The following MSRA variants were observed in gnomAD, a reference collection of about 807,000 sequenced individuals.
MSRA encodes the protein methionine sulfoxide reductase A, also known as mitochondrial peptide methionine sulfoxide reductase.
In MSRA, 54 loss-of-function variants were observed where a neutral mutation model predicts 31.3. That is an observed-to-expected ratio of 1.73 (90% CI 1.39 to 2.17). The LOEUF (loss-of-function observed/expected upper bound fraction) is 2.17. MSRA is among the 30% of genes most tolerant of loss of function. The pLI is 0.00. For synonymous variants in MSRA, 169 were observed against 116.5 expected (o/e 1.45, Z -2.90); for missense variants, 507 against 300.9 (o/e 1.69, Z -5.07).
At chr8:10,259,455 G>GT (rs975723670) in intron 3 of MSRA, among the ~76,000 whole-genome samples, 5 of 152,146 alleles carry the variant, frequency 3.3e-5, no homozygotes, top group African/African-American at 1.2e-4. Context: ...ATACTTCCTG[G>GT]TGAAGCAGGT....
intron 5 of MSRA, among the ~76,000 whole-genome samples, chr8:10,382,534 C>T (rs978401002): frequency 6.6e-6 from 1 of 152,106 alleles, no homozygotes; most frequent in South Asian, 2.1e-4. Flanking sequence ...CATTCTACAC[C>T]TGCCTCTCAT....
intron 5 of MSRA, among the ~76,000 whole-genome samples, chr8:10,331,662 T>C (rs139330214): frequency 6.6e-6 from 1 of 152,338 alleles, no homozygotes; most frequent in East Asian, 1.9e-4. Flanking sequence ...ACAGTCATCC[T>C]TCGGTATCCA....
intron 4 of MSRA, among the ~76,000 whole-genome samples, chr8:10,302,363 G>A (rs1477265548): frequency 6.6e-6 from 1 of 152,218 alleles, no homozygotes; most frequent in Non-Finnish European, 1.5e-5. Context: ...CTGATATTAT[G>A]CAGCTTATGA....
intron 2 of MSRA, among the ~76,000 whole-genome samples, chr8:10,227,214 C>T (rs1490137388): frequency 2.0e-5 from 3 of 152,078 alleles, no homozygotes; most frequent in Non-Finnish European, 2.9e-5. Context: ...GTGGAGTTAC[C>T]AGAGTTGTCT....
chr8:10,273,014 A>T (rs1799128056), intron 3 of MSRA, among the ~76,000 whole-genome samples: 1 of 152,208 alleles, frequency 6.6e-6, no homozygotes, highest in Admixed American at 6.5e-5. Flanking sequence ...AATCATGAAG[A>T]GTGATGGTTT....
intron 2 of MSRA, among the ~76,000 whole-genome samples, chr8:10,220,142 C>G (rs1042643183): frequency 6.6e-6 from 1 of 152,192 alleles, no homozygotes; most frequent in East Asian, 1.9e-4. Context: ...TTGTATTATT[C>G]TATGTCCATA....
At chr8:10,196,023 C>G (rs1267819930) in intron 1 of MSRA, among the ~76,000 whole-genome samples, 3 of 152,178 alleles carry the variant, frequency 2.0e-5, no homozygotes, top group Non-Finnish European at 1.5e-5. Flanking sequence ...ACCATTACCT[C>G]CGATCATTTA....
At position 10,082,650 on chromosome 8, in the gene MSRA, T is replaced by C. The variant is rs552569775; in HGVS notation, c.142+27992T>C. Among the ~76,000 whole-genome samples the C allele has an allele frequency of 3.3e-5, 5 of 152,238 alleles. No homozygotes were observed. The South Asian group carries it at 6.2e-4, about 19-fold the overall frequency. On this transcript the variant is annotated intron_variant, in intron 1 of 5. Transcript: ENST00000317173. Reference sequence around the variant, plus strand: ...GCATTAAATTGTGTAACCTTGGAGGTTGGACTACATGTCGAACCAAACAGG... The same window carrying C: ...GCATTAAATTGTGTAACCTTGGAGGCTGGACTACATGTCGAACCAAACAGG...
intron 1 of MSRA, among the ~76,000 whole-genome samples, chr8:10,144,379 C>G (rs1451794900): frequency 2.0e-5 from 3 of 151,058 alleles, no homozygotes; most frequent in Non-Finnish European, 4.4e-5. Context: ...GTTTCAGTAC[C>G]TAAAACCAGC....
At chr8:10,091,967 A>G (rs554464781) in intron 1 of MSRA, among the ~76,000 whole-genome samples, 1 of 152,072 alleles carries the variant, frequency 6.6e-6, no homozygotes, top group East Asian at 1.9e-4. Context: ...GGCTGTATTA[A>G]TTCATATTCC....
chr8:10,182,992 C>T (rs961807167), intron 1 of MSRA, among the ~76,000 whole-genome samples: 2 of 152,108 alleles, frequency 1.3e-5, no homozygotes, highest in African/African-American at 4.8e-5. Flanking sequence ...CTGTGTAGAC[C>T]AAGTCTTTAA....
chr8:10,404,037 T>C (rs1033236636), intron 5 of MSRA, among the ~76,000 whole-genome samples: 1 of 152,238 alleles, frequency 6.6e-6, no homozygotes, highest in African/African-American at 2.4e-5. Flanking sequence ...TCTCATTATA[T>C]GTCATTATAT....
intron 1 of MSRA, chr8:10,095,875 T>A (rs937092207): frequency 1.6e-6 from 2 of 1,278,464 alleles, no homozygotes; most frequent in Non-Finnish European, 1.0e-6. Context: ...CTATATTTGA[T>A]TTTTTGCATG....
chr8:10,329,374 A>G (rs761862493), intron 5 of MSRA, among the ~76,000 whole-genome samples: 4 of 152,300 alleles, frequency 2.6e-5, no homozygotes, highest in African/African-American at 9.6e-5. Context: ...CTGTGGCTGC[A>G]TCACTCAAGT....
chr8:10,153,429 C>G (rs1026076710), intron 1 of MSRA, among the ~76,000 whole-genome samples: 1 of 152,188 alleles, frequency 6.6e-6, no homozygotes, highest in East Asian at 1.9e-4. Context: ...TCCACCCGAC[C>G]TATTTTTACT....
chr8:10,408,928 A>G (rs931278088), intron 5 of MSRA, among the ~76,000 whole-genome samples: 1 of 152,202 alleles, frequency 6.6e-6, no homozygotes, highest in African/African-American at 2.4e-5. Flanking sequence ...GTAGTATTCC[A>G]TGGTACATAT....
At chr8:10,240,276 G>C (rs1350480517) in intron 2 of MSRA, among the ~76,000 whole-genome samples, 1 of 152,214 alleles carries the variant, frequency 6.6e-6, no homozygotes, top group Non-Finnish European at 1.5e-5. Flanking sequence ...AGTCTCTGTT[G>C]CTGGCCATTT....
chr8:10,338,695 C>G (rs547384564), intron 5 of MSRA, among the ~76,000 whole-genome samples: 1 of 152,290 alleles, frequency 6.6e-6, no homozygotes, highest in South Asian at 2.1e-4. Context: ...TGAGAAAACT[C>G]TGTGAAGAAG....
intron 3 of MSRA, among the ~76,000 whole-genome samples, chr8:10,267,552 T>A (rs573510077): frequency 1.6e-4 from 24 of 152,074 alleles, no homozygotes; most frequent in Non-Finnish European, 2.9e-4. Flanking sequence ...GCAAGTGGAT[T>A]TGTCCCGGGG....
Sources: gnomAD v4.1 joint callset for allele counts (sites outside exome capture counted in the v4.1 genomes callset) on GRCh38, gnomAD v4.1.1 for gene constraint, MANE v1.5 for transcripts, NCBI Gene and HGNC (gene_info 2026-07-23, HGNC 2026-07-21) for gene names.